The following PCBP3 variants were observed in gnomAD, a reference collection of about 807,000 sequenced individuals.
The protein encoded by PCBP3 is poly(rC) binding protein 3, also known as poly(rC)-binding protein 3.
In PCBP3, 25 loss-of-function variants were observed where a neutral mutation model predicts 52.7. The ratio of observed to expected loss-of-function variants is 0.47; its 90% confidence interval spans 0.35 to 0.66. The LOEUF (loss-of-function observed/expected upper bound fraction) is 0.66, where lower values mean the gene tolerates loss of function less well. Ranked by LOEUF, PCBP3 falls within the 30% of genes least tolerant of loss-of-function variation. PCBP3 has a pLI of 0.01. For synonymous variants in PCBP3, 162 were observed against 183.0 expected, an observed-to-expected ratio of 0.89 and a Z score of 0.93; for missense variants, 391 against 490.3, an observed-to-expected ratio of 0.80 and a Z score of 1.91.
At chr21:45,832,785 T>C (rs903845171) in intron 4 of PCBP3, 3 of 152,258 alleles carry the variant, frequency 2.0e-5, no homozygotes, top group Non-Finnish European at 4.4e-5. Context: ...GAGGTTTAAT[T>C]GACTCATAGT....
At chr21:45,663,376 A>G (rs1263790429) in intron 1 of PCBP3, among the ~76,000 whole-genome samples, 1 of 151,898 alleles carries the variant, frequency 6.6e-6, no homozygotes, top group Non-Finnish European at 1.5e-5. Context: ...GCCCGGGCCC[A>G]GCTGTTTTTT....
In PCBP3 at chr21:45,917,444, T is replaced by A; in HGVS notation, c.676-144T>A. ...CCTGGTGCCCTGGGAGGGTTGGCCC[T>A]TTGTCCTAGGATGGGGACAGGTGGA... On this transcript the variant is annotated intron_variant, in intron 12 of 17. Coordinates refer to ENST00000681687, the MANE Select transcript of PCBP3 (RefSeq NM_001384156.1). The surrounding 1 kb of genome is among the most constrained non-coding windows in gnomAD (Gnocchi z 5.3). 1 of 529,154 alleles carries A rather than the reference T, an allele frequency of 1.9e-6. No individual in the cohort carries two copies. Among genetic ancestry groups the A allele is most frequent in the Non-Finnish European group, 3.4e-6 (1 of 290,822 alleles). The allele number at this position is 529,154 out of a possible 1,614,324, so 32.8% of individuals were successfully genotyped here. A position where few individuals can be genotyped will look rare whatever the true frequency, so the allele number is the denominator to read the frequency against.
At chr21:45,654,155 A>G (rs2079863218) in intron 1 of PCBP3, among the ~76,000 whole-genome samples, 1 of 152,102 alleles carries the variant, frequency 6.6e-6, no homozygotes, top group Non-Finnish European at 1.5e-5. Context: ...GGTAACATTA[A>G]CAGTATTGTA....
chr21:45,874,832 T>C (rs976708439), intron 5 of PCBP3, among the ~76,000 whole-genome samples: 2 of 152,310 alleles, frequency 1.3e-5, no homozygotes, highest in African/African-American at 4.8e-5. Context: ...TGTCGGTCCC[T>C]GTGGTTTTCG....
At chr21:45,922,857 G>A (rs961290317) in intron 13 of PCBP3, among the ~76,000 whole-genome samples, 12 of 152,218 alleles carry the variant, frequency 7.9e-5, no homozygotes, top group Admixed American at 1.3e-4. Context: ...TGGCACAGCC[G>A]CCCAGGCAGC....
chr21:45,789,767 C>CCAGT (rs2091411583), intron 4 of PCBP3, among the ~76,000 whole-genome samples: 1 of 152,216 alleles, frequency 6.6e-6, no homozygotes, highest in African/African-American at 2.4e-5. Context: ...GTGGGACATG[C>CCAGT]CAGTGCTTCT....
Position 45,791,203 on chromosome 21 carries a change from G to T in PCBP3, c.-126+35751G>T, listed in dbSNP as rs2091532509. Among the ~76,000 whole-genome samples the T allele has an allele frequency of 6.6e-6, 1 of 152,220 alleles. No individual in the cohort carries two copies. The highest frequency in any genetic ancestry group is 1.5e-5 in the Non-Finnish European group (1 of 68,048). ...TGGGAAGGGGGAGTTTTGAAGACAG[G>T]AATCGGTATGAGATATGCATATTTA... is the stretch of plus-strand genomic sequence containing the variant. On this transcript the variant is annotated intron_variant, in intron 4 of 17. Coordinates refer to ENST00000681687, the MANE Select transcript of PCBP3 (RefSeq NM_001384156.1). The surrounding 1 kb of genome is among the most constrained non-coding windows in gnomAD (Gnocchi z 4.2).
intron 16 of PCBP3, 127 bp downstream of exon 16, chr21:45,935,432 T>C: frequency 1.4e-6 from 1 of 724,032 alleles, no homozygotes; most frequent in Non-Finnish European, 2.5e-6. Flanking sequence ...CCAACCCCAC[T>C]GTTTGATCTG....
At chr21:45,698,284 T>G (rs1213890401) in intron 2 of PCBP3, among the ~76,000 whole-genome samples, 1 of 152,226 alleles carries the variant, frequency 6.6e-6, no homozygotes, top group Non-Finnish European at 1.5e-5. Context: ...GAGTGTGTGC[T>G]CTTCTCTGAT....
rs1229902033 is a variant in PCBP3 at position 45,817,225 on chromosome 21, CT to C, written c.-125-32734del. On this transcript the variant is annotated intron_variant, in intron 4 of 17. Coordinates refer to ENST00000681687, the MANE Select transcript of PCBP3 (RefSeq NM_001384156.1). This position sits in a 1 kb window ranked among gnomAD's most constrained non-coding sequence, Gnocchi z 4.3. ...GTCTTCACTATCCCTTCCTCTAGAA[CT>C]TAACGTTGTCCTCCTCCTAAGGTGT... Among the ~76,000 whole-genome samples, 5 of 152,218 alleles carry C rather than the reference CT, an allele frequency of 3.3e-5. No homozygotes were observed. Among genetic ancestry groups the C allele is most frequent in the Non-Finnish European group, 7.3e-5 (5 of 68,044 alleles).
intron 2 of PCBP3, among the ~76,000 whole-genome samples, chr21:45,732,009 G>A (rs138924255): frequency 7.9e-5 from 12 of 151,840 alleles, no homozygotes; most frequent in Non-Finnish European, 1.6e-4. Flanking sequence ...TTTCCTTCTG[G>A]TATTATTTTC....
At chr21:45,914,428 TC>T in intron 12 of PCBP3, 1 of 396,048 alleles carries the variant, frequency 2.5e-6, no homozygotes, top group Non-Finnish European at 4.5e-6. Flanking sequence ...GTTCCCAAAC[TC>T]CCAGGATGTG....
intron 3 of PCBP3, among the ~76,000 whole-genome samples, chr21:45,753,226 A>G (rs984742905): frequency 6.6e-6 from 1 of 150,846 alleles, no homozygotes; most frequent in African/African-American, 2.4e-5. Context: ...GATTGGATTA[A>G]TAGATTTGCC....
chr21:45,818,317 G>A (rs1022049837), intron 4 of PCBP3, among the ~76,000 whole-genome samples: 7 of 152,136 alleles, frequency 4.6e-5, no homozygotes, highest in Non-Finnish European at 8.8e-5. Flanking sequence ...CACCGCGCCG[G>A]CCTGGTTCAT....
At chr21:45,739,403 A>C (rs13051145) in intron 3 of PCBP3, among the ~76,000 whole-genome samples, 583 of 7,342 alleles carry the variant, frequency 0.079, no homozygotes, top group Middle Eastern at 0.17. Flanking sequence ...TCAGCCCACC[A>C]CTTCCTGTTT....
chr21:45,689,701 A>G (rs574749237), intron 2 of PCBP3, among the ~76,000 whole-genome samples: 191 of 152,282 alleles, frequency 1.3e-3, no homozygotes, highest in African/African-American at 4.2e-3. Flanking sequence ...TACAAGTTCA[A>G]TATATAAAGC....
At chr21:45,815,287 ATGAGTGG>A (rs1225531829) in intron 4 of PCBP3, among the ~76,000 whole-genome samples, 7 of 35,596 alleles carry the variant, frequency 2.0e-4, no homozygotes, top group Non-Finnish European at 3.2e-4. Flanking sequence ...GTAGTGAGTG[ATGAGTGG>A]TGAGTGGTGA....
intron 4 of PCBP3, among the ~76,000 whole-genome samples, chr21:45,773,081 A>G (rs1315624142): frequency 6.6e-6 from 1 of 152,040 alleles, no homozygotes; most frequent in South Asian, 2.1e-4. Flanking sequence ...TTTTAATTTA[A>G]TATAGTTCCA....
At chr21:45,672,171 CA>C (rs1273570728) in intron 2 of PCBP3, among the ~76,000 whole-genome samples, 1 of 152,116 alleles carries the variant, frequency 6.6e-6, no homozygotes, top group African/African-American at 2.4e-5. Context: ...TGAGCTAGCA[CA>C]CTCAGCCCCT....
Sources: gnomAD v4.1 joint callset for allele counts (sites outside exome capture counted in the v4.1 genomes callset) on GRCh38, gnomAD v4.1.1 for gene constraint, Gnocchi (gnomAD v3.1) non-coding constraint, MANE v1.5 for transcripts, NCBI Gene and HGNC (gene_info 2026-07-23, HGNC 2026-07-21) for gene names.